SNCAIP: variants seen among roughly 807,000 people sequenced by gnomAD.
The protein encoded by SNCAIP is synphilin-1.
SNCAIP carries 43 observed loss-of-function variants against 86.7 expected under a neutral mutation model. The observed-to-expected ratio is 0.50, with a 90% CI of 0.39 to 0.64. The LOEUF (loss-of-function observed/expected upper bound fraction) is 0.64, where lower values mean the gene tolerates loss of function less well. Ranked by LOEUF, SNCAIP falls within the 30% of genes least tolerant of loss-of-function variation. The pLI, the probability that SNCAIP is intolerant of heterozygous loss-of-function variation, is 0.00. For missense variants in SNCAIP, 981 were observed against 1,103.1 expected (o/e 0.89, Z 1.57); for synonymous variants, 417 against 427.2 (o/e 0.98, Z 0.29).
chr5:122,313,973 G>A (rs375609473), intron 1 of SNCAIP, among the ~76,000 whole-genome samples: 1 of 152,274 alleles, frequency 6.6e-6, no homozygotes, highest in Non-Finnish European at 1.5e-5. Context: ...CATTTTCTCC[G>A]TAGCAAGCAT....
Position 122,363,788 on chromosome 5 carries a change from CTATTTATTTATTTATTTATT to C in SNCAIP, c.-46-27271_-46-27252del, listed in dbSNP as rs143825884. On this transcript the variant is annotated intron_variant, in intron 1 of 10. Transcript: ENST00000261368. Reference sequence around the variant, plus strand: ...TGAAAAAATAAGCATTTATTGTCAACTATTTATTTATTTATTTATTTATTTATTTATTTATTTATTTATTT... The same window carrying C: ...TGAAAAAATAAGCATTTATTGTCAACTATTTATTTATTTATTTATTTATTT... Among the ~76,000 whole-genome samples the C allele has an allele frequency of 8.4e-3, 1,198 of 142,904 alleles. 19 individuals are homozygous for C. Among genetic ancestry groups the C allele is most frequent in the African/African-American group, 0.028 (1,084 of 38,666 alleles). 93.8% of individuals were successfully genotyped at this position (142,904 alleles called of 152,430 possible). A position where few individuals can be genotyped will look rare whatever the true frequency, so the allele number is the denominator to read the frequency against.
chr5:122,327,069 G>C (rs1413419414), intron 1 of SNCAIP, among the ~76,000 whole-genome samples: 1 of 150,678 alleles, frequency 6.6e-6, no homozygotes, highest in Admixed American at 6.7e-5. Context: ...GTTTGTTCCA[G>C]ACCTCTACTT....
chr5:122,438,896 A>G (rs1322965139), intron 6 of SNCAIP, among the ~76,000 whole-genome samples: 4 of 152,228 alleles, frequency 2.6e-5, no homozygotes, highest in East Asian at 1.9e-4. Context: ...TGTTCTGCCT[A>G]TGGTGGGTCC....
At chr5:122,357,063 G>T (rs1761159142) in intron 1 of SNCAIP, among the ~76,000 whole-genome samples, 1 of 152,098 alleles carries the variant, frequency 6.6e-6, no homozygotes, top group Admixed American at 6.5e-5. Flanking sequence ...TACTCTCGCA[G>T]TCTCCTGTCT....
At chr5:122,366,578 G>T (rs1012497365) in intron 1 of SNCAIP, among the ~76,000 whole-genome samples, 1 of 152,190 alleles carries the variant, frequency 6.6e-6, no homozygotes, top group Non-Finnish European at 1.5e-5. Flanking sequence ...ATGGCTTGGT[G>T]TGGTCATAAG....
At position 122,406,315 on chromosome 5, in the gene SNCAIP, G is replaced by A. The variant is rs534135709; in HGVS notation, c.130+2450G>A. Reference sequence around the variant, plus strand: ...AGCCACATAGAAGGAGTTTGCTCCAGGAAAGCTAGCAGATTTCTATCTTTT... The same window carrying A: ...AGCCACATAGAAGGAGTTTGCTCCAAGAAAGCTAGCAGATTTCTATCTTTT... On this transcript the variant is annotated intron_variant, in intron 3 of 10. Transcript: ENST00000261368. Among the ~76,000 whole-genome samples, 7 of 152,280 alleles carry A rather than the reference G, an allele frequency of 4.6e-5. No homozygotes were observed. The South Asian group carries it at 1.5e-3, about 32-fold the overall frequency.
intron 1 of SNCAIP, among the ~76,000 whole-genome samples, chr5:122,316,640 G>GA (rs1751788024): frequency 6.6e-6 from 1 of 152,178 alleles, no homozygotes; most frequent in South Asian, 2.1e-4. Context: ...TTTTCTCGTG[G>GA]AAAATAAAGA....
At chr5:122,392,276 A>T (rs1202686908) in intron 2 of SNCAIP, among the ~76,000 whole-genome samples, 2 of 152,124 alleles carry the variant, frequency 1.3e-5, no homozygotes, top group Admixed American at 6.6e-5. Flanking sequence ...AGAAATGTGA[A>T]TTCAACATTT....
At chr5:122,443,535 T>G (rs1209537352) in intron 7 of SNCAIP, 1 of 453,194 alleles carries the variant, frequency 2.2e-6, no homozygotes, top group South Asian at 1.6e-5. Flanking sequence ...AATCTCAGTC[T>G]TACTTCTGAT....
chr5:122,326,605 C>CTTTTT (rs1491240086), intron 1 of SNCAIP, among the ~76,000 whole-genome samples: 3 of 102,432 alleles, frequency 2.9e-5, no homozygotes, highest in Admixed American at 1.2e-4. Flanking sequence ...AGAAATGTCT[C>CTTTTT]CTTTTTTTTT....
chr5:122,363,882 A>T (rs562413715), intron 1 of SNCAIP, among the ~76,000 whole-genome samples: 8 of 151,926 alleles, frequency 5.3e-5, no homozygotes, highest in African/African-American at 1.9e-4. Flanking sequence ...GAGTGCAGTT[A>T]TGCAATCGTA....
intron 1 of SNCAIP, among the ~76,000 whole-genome samples, chr5:122,374,856 A>C (rs542730168): frequency 6.6e-6 from 1 of 152,296 alleles, no homozygotes; most frequent in Admixed American, 6.5e-5. Flanking sequence ...TGAATTTTAA[A>C]GGTACACATA....
intron 1 of SNCAIP, among the ~76,000 whole-genome samples, chr5:122,331,869 G>A (rs1287157992): frequency 6.6e-6 from 1 of 152,220 alleles, no homozygotes; most frequent in African/African-American, 2.4e-5. Flanking sequence ...GACGATACAT[G>A]AAAGACTTTC....
At chr5:122,359,349 T>TTTTTTTA (rs372903978) in intron 1 of SNCAIP, among the ~76,000 whole-genome samples, 1 of 142,182 alleles carries the variant, frequency 7.0e-6, no homozygotes, top group Non-Finnish European at 1.5e-5. Context: ...AGATTTTTAT[T>TTTTTTTA]TTTATTTATT....
At chr5:122,380,605 C>CTT (rs1301799298) in intron 1 of SNCAIP, among the ~76,000 whole-genome samples, 1 of 149,390 alleles carries the variant, frequency 6.7e-6, no homozygotes, top group East Asian at 2.0e-4. Flanking sequence ...TTTGCTCTTG[C>CTT]TTTTCTAGTT....
intron 1 of SNCAIP, among the ~76,000 whole-genome samples, chr5:122,385,311 G>C (rs1021396699): frequency 6.6e-6 from 1 of 152,170 alleles, no homozygotes; most frequent in Non-Finnish European, 1.5e-5. Context: ...CACAGGGCTT[G>C]TGCTTTTTCT....
At chr5:122,342,770 A>T (rs969050437) in intron 1 of SNCAIP, among the ~76,000 whole-genome samples, 1 of 152,216 alleles carries the variant, frequency 6.6e-6, no homozygotes, top group African/African-American at 2.4e-5. Context: ...ACCAGTATGT[A>T]TGATGCATTC....
At chr5:122,449,242 A>G (rs1203346679) in intron 8 of SNCAIP, among the ~76,000 whole-genome samples, 1 of 152,202 alleles carries the variant, frequency 6.6e-6, no homozygotes, top group Admixed American at 6.5e-5. Flanking sequence ...ATAAAGTTTT[A>G]ATATCCCATG....
At chr5:122,423,935 A>G (rs3811896) in intron 4 of SNCAIP, among the ~76,000 whole-genome samples, 196 bp downstream of exon 4, 121,470 of 152,250 alleles carry the variant, frequency 0.8, 48,909 homozygotes, top group African/African-American at 0.9. Context: ...AAAACAAATA[A>G]CTATAGAGGG....
Sources: allele counts gnomAD v4.1 joint callset (sites outside exome capture counted in the v4.1 genomes callset), GRCh38; gene constraint gnomAD v4.1.1; transcripts MANE v1.5; gene names NCBI Gene and HGNC (gene_info 2026-07-23, HGNC 2026-07-21).